The following DLG2 variants were observed in gnomAD, a reference collection of about 807,000 sequenced individuals.
DLG2 encodes disks large homolog 2.
In DLG2, 45 loss-of-function variants were observed where a neutral mutation model predicts 132.5. The observed-to-expected ratio is 0.34, with a 90% confidence interval of 0.27 to 0.44. The LOEUF (loss-of-function observed/expected upper bound fraction) is 0.44, where lower values mean the gene tolerates loss of function less well. Among genes scored for constraint, DLG2 ranks in the 20% least tolerant of loss-of-function variants. The pLI, the probability that DLG2 is intolerant of heterozygous loss-of-function variation, is 1.00. For synonymous variants in DLG2, 424 were observed against 419.6 expected (o/e 1.01, Z -0.13); for missense variants, 1,045 against 1,196.9 (o/e 0.87, Z 1.87).
At chr11:83,601,534 C>G (rs2058562162) in intron 19 of DLG2, among the ~76,000 whole-genome samples, 1 of 19,308 alleles carries the variant, frequency 5.2e-5, no homozygotes, top group Admixed American at 8.4e-4. Flanking sequence ...TTTTTTTTGA[C>G]AAGGTCTCAC....
Position 83,669,571 on chromosome 11 carries a change from C to T in DLG2, c.1826-36246G>A, listed in dbSNP as rs56085582. ...AAACTTAGGTCCACTTAATTAAAAA[C>T]GAAGCATAATTTGTACCCTTAATAT... On this transcript the variant is annotated intron_variant, in intron 18 of 27. Coordinates refer to ENST00000376104, the MANE Select transcript of DLG2 (RefSeq NM_001142699.3). 5.1e-3 allele frequency among the ~76,000 whole-genome samples: 782 copies of T among 152,226 alleles called. 6 individuals carry two copies. The highest frequency in any genetic ancestry group is 0.018 in the African/African-American group (739 of 41,526).
At chr11:83,467,789 A>ATG (rs2091356947) in intron 25 of DLG2, among the ~76,000 whole-genome samples, 1 of 100,904 alleles carries the variant, frequency 9.9e-6, no homozygotes, top group Non-Finnish European at 1.9e-5. Flanking sequence ...ATATATATAT[A>ATG]TATATATATA....
At chr11:83,798,072 G>A (rs1207209133) in intron 17 of DLG2, among the ~76,000 whole-genome samples, 1 of 152,232 alleles carries the variant, frequency 6.6e-6, no homozygotes, top group African/African-American at 2.4e-5. Context: ...CCCCCTTGGA[G>A]ATGCTGCTTA....
chr11:84,337,206 G>A (rs1008005800), intron 7 of DLG2, among the ~76,000 whole-genome samples: 6 of 152,096 alleles, frequency 3.9e-5, no homozygotes, highest in African/African-American at 9.7e-5. Flanking sequence ...GAGATGTTGT[G>A]AGGTCATACA....
intron 7 of DLG2, among the ~76,000 whole-genome samples, chr11:84,466,663 T>C (rs944694458): frequency 2.6e-5 from 4 of 151,376 alleles, no homozygotes; most frequent in African/African-American, 4.8e-5. Context: ...AATTCTCACA[T>C]ATTTCTAGTG....
Position 85,043,154 on chromosome 11 carries a change from G to T in DLG2, c.357+68507C>A, listed in dbSNP as rs1176474614. Reference sequence around the variant, plus strand: ...AATTCCTGTCTTATTGAACATTTAGGTTATCACAATTATAGGACCTTACAC... The same window carrying T: ...AATTCCTGTCTTATTGAACATTTAGTTTATCACAATTATAGGACCTTACAC... On this transcript the variant is annotated intron_variant, in intron 6 of 27. Coordinates refer to ENST00000376104, the MANE Select transcript of DLG2 (RefSeq NM_001142699.3). 2.0e-5 allele frequency among the ~76,000 whole-genome samples: 3 copies of T among 151,566 alleles called. No individual in the cohort carries two copies. In the East Asian group the frequency reaches 5.8e-4, roughly 29 times the overall value.
intron 7 of DLG2, among the ~76,000 whole-genome samples, chr11:84,358,695 C>G (rs573495537): frequency 4.0e-5 from 6 of 151,804 alleles, no homozygotes; most frequent in Admixed American, 6.6e-5. Flanking sequence ...ATGTTCTGTT[C>G]CAGCTCCCAC....
In DLG2 at chr11:83,953,410, C is replaced by T. The variant is rs184390515; in HGVS notation, c.1340+9475G>A. ...CGAACCCTACTGTGAACTGCACATG[C>T]GAAGGATCTAGGTCGCATGCTCTTT... On this transcript the variant is annotated intron_variant, in intron 14 of 27. Coordinates refer to ENST00000376104, the MANE Select transcript of DLG2 (RefSeq NM_001142699.3). Among the ~76,000 whole-genome samples the T allele has an allele frequency of 5.9e-5, 9 of 152,214 alleles. No individual in the cohort carries two copies. In the East Asian group the frequency reaches 1.2e-3, roughly 20 times the overall value.
intron 9 of DLG2, among the ~76,000 whole-genome samples, chr11:84,142,551 C>G (rs192738864): frequency 1.3e-5 from 2 of 151,998 alleles, no homozygotes; most frequent in Admixed American, 6.6e-5. Flanking sequence ...GTGTCTGTGA[C>G]GGCAGCTCTG....
chr11:85,117,480 T>C (rs904784555), intron 5 of DLG2, among the ~76,000 whole-genome samples: 2 of 152,020 alleles, frequency 1.3e-5, no homozygotes, highest in African/African-American at 4.8e-5. Context: ...CTTACTGTTA[T>C]TATATGTCAG....
chr11:84,809,665 C>G (rs867346900), intron 6 of DLG2, among the ~76,000 whole-genome samples: 1 of 151,754 alleles, frequency 6.6e-6, no homozygotes, highest in Non-Finnish European at 1.5e-5. Flanking sequence ...AATATAATAC[C>G]TTTTACAATT....
Position 83,825,472 on chromosome 11 carries a change from T to C in DLG2, c.1722+8142A>G, listed in dbSNP as rs529002975. ...CTGAGATTACAGGTGTGAGCCACTGTGCCCGGCCTAATTACTGCTTTTCTT... is the reference window on the plus strand; with the variant it reads ...CTGAGATTACAGGTGTGAGCCACTGCGCCCGGCCTAATTACTGCTTTTCTT... On this transcript the variant is annotated intron_variant, in intron 17 of 27. Coordinates refer to ENST00000376104, the MANE Select transcript of DLG2 (RefSeq NM_001142699.3). Among the ~76,000 whole-genome samples, 248 of 152,142 alleles carry C rather than the reference T, an allele frequency of 1.6e-3. 1 individual carries two copies. The highest frequency in any genetic ancestry group is 2.8e-3 in the Non-Finnish European group (188 of 67,976).
chr11:83,757,285 T>C (rs983395094), intron 18 of DLG2, among the ~76,000 whole-genome samples: 9 of 152,234 alleles, frequency 5.9e-5, no homozygotes, highest in African/African-American at 2.2e-4. Context: ...TGATACTGCT[T>C]TGGTTCTTAC....
intron 3 of DLG2, among the ~76,000 whole-genome samples, chr11:85,591,387 C>T (rs776890812): frequency 6.6e-6 from 1 of 152,202 alleles, no homozygotes; most frequent in African/African-American, 2.4e-5. Flanking sequence ...CATTTCCTCA[C>T]TCTCCTTTGA....
At chr11:84,543,025 G>A (rs1310531806) in intron 6 of DLG2, among the ~76,000 whole-genome samples, 24 of 152,000 alleles carry the variant, frequency 1.6e-4, no homozygotes. Flanking sequence ...TATACCTACT[G>A]CATCCTCACT....
intron 6 of DLG2, among the ~76,000 whole-genome samples, chr11:84,866,039 A>G (rs1485800161): frequency 6.6e-6 from 1 of 152,208 alleles, no homozygotes; most frequent in Non-Finnish European, 1.5e-5. Context: ...AGAGGATCAA[A>G]AGGTTGAGGG....
At chr11:85,380,288 G>T (rs773788488) in intron 3 of DLG2, among the ~76,000 whole-genome samples, 3 of 152,190 alleles carry the variant, frequency 2.0e-5, no homozygotes, top group Non-Finnish European at 4.4e-5. Flanking sequence ...AAAAATCTCT[G>T]CATCGAAATA....
intron 18 of DLG2, among the ~76,000 whole-genome samples, chr11:83,686,830 T>C (rs190564594): frequency 7.2e-5 from 11 of 152,272 alleles, no homozygotes; most frequent in African/African-American, 2.4e-4. Context: ...ATGTTGTGGG[T>C]TGAAATGTGT....
intron 3 of DLG2, among the ~76,000 whole-genome samples, chr11:85,317,360 G>A (rs961481320): frequency 1.3e-5 from 2 of 151,430 alleles, no homozygotes; most frequent in Non-Finnish European, 3.0e-5. Flanking sequence ...AGCTACAAAC[G>A]GAAGGAATCA....
Sources: allele counts gnomAD v4.1 joint callset (sites outside exome capture counted in the v4.1 genomes callset), GRCh38; gene constraint gnomAD v4.1.1; transcripts MANE v1.5; gene names NCBI Gene and HGNC (gene_info 2026-07-23, HGNC 2026-07-21).